Variants in TOM1L2 observed in about 807,000 individuals in gnomAD.
TOM1L2 encodes the protein TOM1-like protein 2.
TOM1L2 carries 31 observed loss-of-function variants against 67.9 expected under a neutral mutation model. The observed-to-expected ratio is 0.46, with a 90% CI of 0.34 to 0.62. The LOEUF (loss-of-function observed/expected upper bound fraction) is 0.62. Among genes scored for constraint, TOM1L2 ranks in the 20% least tolerant of loss-of-function variants. The probability of loss-of-function intolerance (pLI) is 0.01; values close to 1 mark genes in which losing one functional copy is unlikely to be tolerated. For missense variants in TOM1L2, 606 were observed against 663.5 expected (o/e 0.91, Z 0.95); for synonymous variants, 256 against 254.0 (o/e 1.01, Z -0.07).
intron 12 of TOM1L2, chr17:17,859,791 C>T (rs2036452895): frequency 6.6e-6 from 1 of 152,206 alleles, no homozygotes; most frequent in Non-Finnish European, 1.5e-5. Flanking sequence ...TGAGGCAGGA[C>T]AATCGCTTGA....
rs529352382 is a variant in TOM1L2 at position 17,849,526 on chromosome 17, G to C, written c.1339-667C>G. Among the ~76,000 whole-genome samples the C allele has an allele frequency of 5.3e-5, 8 of 152,356 alleles. No homozygotes were observed. The South Asian group carries it at 1.7e-3, about 32-fold the overall frequency. ...GCTGGCTCCTCAAGGAGCCATGGAG[G>C]CTCTGTGCACTCAAAAATTAAAGTG... On this transcript the variant is annotated intron_variant, in intron 13 of 14. Transcript: ENST00000379504.
In TOM1L2 at chr17:17,844,853, C is replaced by G. The variant is rs2035559987; in HGVS notation, c.*2782G>C. 6.6e-6 allele frequency: 1 copy of G among 152,354 alleles called. No individual in the cohort carries two copies. Among genetic ancestry groups the G allele is most frequent in the African/African-American group, 2.4e-5 (1 of 41,452 alleles). 9.4% of individuals were successfully genotyped at this position (152,354 alleles called of 1,614,324 possible). A position where few individuals can be genotyped will look rare whatever the true frequency, so the allele number is the denominator to read the frequency against. On this transcript the variant is annotated 3_prime_UTR_variant, in exon 15 of 15. Transcript: ENST00000379504. ...TATTTTGACAAAATAAATATTTTAACCTATAATCAGGTATAATTAGTGCTT... is the reference window on the plus strand; with the variant it reads ...TATTTTGACAAAATAAATATTTTAAGCTATAATCAGGTATAATTAGTGCTT...
intron 1 of TOM1L2, among the ~76,000 whole-genome samples, chr17:17,923,452 G>C (rs1215730180): frequency 6.6e-6 from 1 of 151,950 alleles, no homozygotes; most frequent in African/African-American, 2.4e-5. Flanking sequence ...AACACCCATG[G>C]TAAAACTTCA....
chr17:17,879,499 A>G (rs1031714150), intron 7 of TOM1L2, 128 bp downstream of exon 7: 4 of 726,454 alleles, frequency 5.5e-6, no homozygotes, highest in Non-Finnish European at 1.0e-5. Flanking sequence ...GTGTGCTCAC[A>G]TGGACTATCA....
chr17:17,851,749 G>A (rs1283696754), intron 12 of TOM1L2, among the ~76,000 whole-genome samples: 1 of 152,178 alleles, frequency 6.6e-6, no homozygotes, highest in African/African-American at 2.4e-5. Flanking sequence ...GGCTGGCTGT[G>A]CTTCAGGAGT....
At chr17:17,942,098 GA>G (rs1185702041) in intron 1 of TOM1L2, among the ~76,000 whole-genome samples, 1 of 152,192 alleles carries the variant, frequency 6.6e-6, no homozygotes, top group East Asian at 1.9e-4. Flanking sequence ...CTCCTAAAAC[GA>G]GAGGCAGAAA....
intron 1 of TOM1L2, among the ~76,000 whole-genome samples, chr17:17,962,992 A>G (rs2041749151): frequency 6.6e-6 from 1 of 151,966 alleles, no homozygotes; most frequent in Admixed American, 6.6e-5. Context: ...TTTGTTATAT[A>G]TATTTTATCA....
At chr17:17,912,635 G>C (rs967509440) in intron 1 of TOM1L2, among the ~76,000 whole-genome samples, 1 of 151,708 alleles carries the variant, frequency 6.6e-6, no homozygotes, top group Non-Finnish European at 1.5e-5. Flanking sequence ...GATGGCGGCC[G>C]GGAAGAGGCG....
intron 1 of TOM1L2, among the ~76,000 whole-genome samples, chr17:17,912,635 G>A (rs967509440): frequency 4.0e-5 from 6 of 151,708 alleles, no homozygotes; most frequent in Admixed American, 6.6e-5. Context: ...GATGGCGGCC[G>A]GGAAGAGGCG....
chr17:17,906,124 C>T (rs1222274390), intron 2 of TOM1L2, among the ~76,000 whole-genome samples: 1 of 121,192 alleles, frequency 8.3e-6, no homozygotes, highest in African/African-American at 3.8e-5. Context: ...GTTTTGTCTT[C>T]TCTTTTCATT....
chr17:17,848,390 G>T (rs750931556), intron 14 of TOM1L2, among the ~76,000 whole-genome samples: 53 of 152,146 alleles, frequency 3.5e-4, no homozygotes, highest in Admixed American at 1.5e-3. Context: ...GGATGTGGGG[G>T]TGGCCATGTG....
At chr17:17,906,519 A>T (rs1444457336) in intron 2 of TOM1L2, among the ~76,000 whole-genome samples, 1 of 151,942 alleles carries the variant, frequency 6.6e-6, no homozygotes, top group African/African-American at 2.4e-5. Flanking sequence ...TCATCTGACC[A>T]GGTTATATGT....
At chr17:17,923,346 A>G (rs2039955153) in intron 1 of TOM1L2, among the ~76,000 whole-genome samples, 1 of 152,162 alleles carries the variant, frequency 6.6e-6, no homozygotes, top group Admixed American at 6.5e-5. Flanking sequence ...GGTTGCAGTG[A>G]GCCGAGATCG....
chr17:17,882,842 C>A lies in TOM1L2; in HGVS notation c.523G>T (p.Ala175Ser), dbSNP rs770869564. ...GATTGGGACCTGGGCATGGTCGCAGCTGGATCCACTTCAGGGACACTCTGG... is the reference window on the plus strand; with the variant it reads ...GATTGGGACCTGGGCATGGTCGCAGATGGATCCACTTCAGGGACACTCTGG... ...PQRSVPEVDP[A>S]ATMPRSQSQQ... Residue 175 changes from alanine (A) to serine (S), a missense_variant, in exon 6 of 15, where the codon GCT (alanine) becomes TCT (serine). Transcript: ENST00000379504. The A allele has an allele frequency of 1.2e-4, 201 of 1,614,152 alleles. No homozygotes were observed. The highest frequency in any genetic ancestry group is 1.6e-4 in the Non-Finnish European group (188 of 1,180,028).
intron 1 of TOM1L2, among the ~76,000 whole-genome samples, chr17:17,955,487 C>T (rs1053183728): frequency 7.2e-5 from 11 of 152,018 alleles, no homozygotes; most frequent in African/African-American, 2.7e-4. Context: ...TACAGGCACA[C>T]GCCACCAAGC....
intron 10 of TOM1L2, among the ~76,000 whole-genome samples, chr17:17,865,656 C>T (rs1315566950): frequency 1.3e-5 from 2 of 149,134 alleles, no homozygotes; most frequent in African/African-American, 2.5e-5. Flanking sequence ...TGGGATTACG[C>T]GCCCGGCCTT....
rs58881326 is a variant in TOM1L2 at position 17,903,990 on chromosome 17, G to GATT, written c.137+3454_137+3456dup. 5.1e-4 allele frequency among the ~76,000 whole-genome samples: 77 copies of GATT among 151,472 alleles called. 1 individual carries two copies. Among genetic ancestry groups the GATT allele is most frequent in the South Asian group, 2.1e-3 (10 of 4,794 alleles). ...TGGGAGTTTCTTTCACTCAGGAAGA[G>GATT]ATTATTATTATTATTATTATTTTTA... On this transcript the variant is annotated intron_variant, in intron 2 of 14. Transcript: ENST00000379504.
chr17:17,868,961 T>C (rs2036999019), intron 8 of TOM1L2: 1 of 163,780 alleles, frequency 6.1e-6, no homozygotes, highest in Non-Finnish European at 1.3e-5. Flanking sequence ...AGATTTTTTT[T>C]CCCTTTAATC....
chr17:17,944,380 G>A lies in TOM1L2; in HGVS notation c.52+27882C>T, dbSNP rs533823293. ...CTCACGGCTGCAGGAGGCTAATTCA[G>A]TGCCTAAAAATGCTGTAACAGTTTC... On this transcript the variant is annotated intron_variant, in intron 1 of 14. Transcript: ENST00000379504. 5.9e-5 allele frequency among the ~76,000 whole-genome samples: 9 copies of A among 152,332 alleles called. No homozygotes were observed. In the South Asian group the frequency reaches 1.9e-3, roughly 32 times the overall value.
Sources: gnomAD v4.1 joint callset for allele counts (sites outside exome capture counted in the v4.1 genomes callset) on GRCh38, gnomAD v4.1.1 for gene constraint, MANE v1.5 for transcripts, NCBI Gene and HGNC (gene_info 2026-07-23, HGNC 2026-07-21) for gene names.